The following RAB39A variants were observed in gnomAD, a reference collection of about 807,000 sequenced individuals.
RAB39A encodes ras-related protein Rab-39A.
RAB39A carries 17 observed loss-of-function variants against 20.9 expected under a neutral mutation model. The observed-to-expected ratio is 0.81, with a 90% CI of 0.56 to 1.22. The LOEUF (loss-of-function observed/expected upper bound fraction) is 1.22. Ranked by LOEUF, RAB39A falls within the 50% of genes most tolerant of loss-of-function variation. The pLI, the probability that RAB39A is intolerant of heterozygous loss-of-function variation, is 0.00. For missense variants in RAB39A, 234 were observed against 270.5 expected (o/e 0.87, Z 0.95); for synonymous variants, 99 against 103.4 (o/e 0.96, Z 0.26).
intron 1 of RAB39A, among the ~76,000 whole-genome samples, chr11:107,951,190 G>A (rs937708976): frequency 1.3e-5 from 2 of 152,188 alleles, no homozygotes. Flanking sequence ...GTGAGGGCAG[G>A]GACTGTTAGA....
At chr11:107,935,120 G>C (rs1414598085) in intron 1 of RAB39A, among the ~76,000 whole-genome samples, 1 of 151,972 alleles carries the variant, frequency 6.6e-6, no homozygotes, top group Non-Finnish European at 1.5e-5. Context: ...CAGGAAAGGG[G>C]TCCCGATCCA....
intron 1 of RAB39A, among the ~76,000 whole-genome samples, chr11:107,939,999 T>C (rs975753517): frequency 6.6e-6 from 1 of 152,202 alleles, no homozygotes; most frequent in African/African-American, 2.4e-5. Flanking sequence ...CATGCAATGA[T>C]TTTTTGATAA....
Position 107,936,817 on chromosome 11 carries a change from T to C in RAB39A, c.227+8022T>C, listed in dbSNP as rs753453495. ...GGTGCACACCTATAATCCCAGCTAC[T>C]TGGGAGGCTGAGGCAGGAAAATCCC... On this transcript the variant is annotated intron_variant, in intron 1 of 1. Transcript: ENST00000320578. Among the ~76,000 whole-genome samples, 6 of 152,050 alleles carry C rather than the reference T, an allele frequency of 3.9e-5. No homozygotes were observed. In the South Asian group the frequency reaches 6.2e-4, roughly 16 times the overall value.
intron 1 of RAB39A, among the ~76,000 whole-genome samples, chr11:107,951,653 T>A (rs1160341275): frequency 1.6e-5 from 2 of 124,698 alleles, no homozygotes; most frequent in Non-Finnish European, 3.2e-5. Context: ...ACGGTCTCAA[T>A]CTGTCACCAA....
Position 107,963,402 on chromosome 11 carries a change from A to G in RAB39A, c.*1030A>G, listed in dbSNP as rs1214708686. On this transcript the variant is annotated 3_prime_UTR_variant, in exon 2 of 2. Transcript: ENST00000320578. ...AGCACATGTTTTGCTGTTACGGTGT[A>G]CTGTTCGTATTTAGACAAGAAGAAC... 1 of 152,162 alleles carries G rather than the reference A, an allele frequency of 6.6e-6. No individual in the cohort carries two copies. The highest frequency in any genetic ancestry group is 1.5e-5 in the Non-Finnish European group (1 of 68,042). 9.4% of individuals were successfully genotyped at this position (152,162 alleles called of 1,614,324 possible).
chr11:107,937,369 G>A (rs1043632979), intron 1 of RAB39A, among the ~76,000 whole-genome samples: 10 of 151,858 alleles, frequency 6.6e-5, no homozygotes, highest in Non-Finnish European at 1.5e-4. Context: ...TGAACTTCTT[G>A]CTTCAAGTGA....
chr11:107,959,170 A>G (rs1468843831), intron 1 of RAB39A, among the ~76,000 whole-genome samples: 2 of 152,160 alleles, frequency 1.3e-5, no homozygotes, highest in Non-Finnish European at 2.9e-5. Context: ...ACAGTGAAAA[A>G]CATGCCTCTG....
chr11:107,934,020 G>A (rs2134949437), intron 1 of RAB39A, among the ~76,000 whole-genome samples: 1 of 152,160 alleles, frequency 6.6e-6, no homozygotes, highest in African/African-American at 2.4e-5. Context: ...TATTCCATAT[G>A]GCACTCTCTT....
intron 1 of RAB39A, among the ~76,000 whole-genome samples, chr11:107,949,235 T>C (rs1861349349): frequency 6.6e-6 from 1 of 151,886 alleles, no homozygotes; most frequent in South Asian, 2.1e-4. Flanking sequence ...TGCTTGAACC[T>C]GGGAGGTGGA....
chr11:107,944,648 G>C (rs960356497), intron 1 of RAB39A, among the ~76,000 whole-genome samples: 19 of 152,004 alleles, frequency 1.2e-4, no homozygotes, highest in African/African-American at 4.3e-4. Context: ...GCCTCCCAAC[G>C]TGCTGGGATT....
At position 107,928,564 on chromosome 11, in the gene RAB39A, G is replaced by A. The variant is rs1356426561; in HGVS notation, c.-5G>A. 1 of 1,477,150 alleles carries A rather than the reference G, an allele frequency of 6.8e-7. No homozygotes were observed. The allele number at this position is 1,477,150 out of a possible 1,614,324, so 91.5% of individuals were successfully genotyped here. On this transcript the variant is annotated 5_prime_UTR_variant, in exon 1 of 2. Coordinates refer to ENST00000320578, the MANE Select transcript of RAB39A (RefSeq NM_017516.3). This position sits in a 1 kb window ranked among gnomAD's most constrained non-coding sequence, Gnocchi z 4.9. ...CGGCCCGGGAGCCAGCGGGGCACGT[G>A]AGCGATGGAGACCATCTGGATCTAC... is the stretch of plus-strand genomic sequence containing the variant.
chr11:107,944,932 C>A (rs1049045774), intron 1 of RAB39A, among the ~76,000 whole-genome samples: 3 of 151,942 alleles, frequency 2.0e-5, no homozygotes, highest in Non-Finnish European at 2.9e-5. Context: ...CACCTGTAAT[C>A]CCAGCACTTT....
At chr11:107,948,066 AG>A (rs1423991637) in intron 1 of RAB39A, among the ~76,000 whole-genome samples, 7 of 152,196 alleles carry the variant, frequency 4.6e-5, no homozygotes, top group Non-Finnish European at 7.4e-5. Flanking sequence ...GAAAAAGGCA[AG>A]GGAACCTCCC....
intron 1 of RAB39A, among the ~76,000 whole-genome samples, chr11:107,930,661 G>A (rs1260215416): frequency 6.6e-6 from 1 of 152,034 alleles, no homozygotes; most frequent in African/African-American, 2.4e-5. Context: ...TTCAAGACCA[G>A]CCTGGCCAAT....
intron 1 of RAB39A, among the ~76,000 whole-genome samples, chr11:107,959,570 T>A (rs1221478782): frequency 6.6e-6 from 1 of 152,200 alleles, no homozygotes; most frequent in Non-Finnish European, 1.5e-5. Context: ...ACTATAGTCC[T>A]TGACAAAAGT....
At chr11:107,929,869 A>G (rs1861119070) in intron 1 of RAB39A, among the ~76,000 whole-genome samples, 1 of 152,206 alleles carries the variant, frequency 6.6e-6, no homozygotes, top group Admixed American at 6.5e-5. Flanking sequence ...TGTTTCTTAA[A>G]GACTGCATTA....
chr11:107,928,490 AG>A lies in RAB39A; in HGVS notation c.-77del, dbSNP rs1281938970. 5 of 1,096,800 alleles carry A rather than the reference AG, an allele frequency of 4.6e-6. No homozygotes were observed. The Admixed American group carries it at 1.4e-4, about 32-fold the overall frequency. 67.9% of individuals were successfully genotyped at this position (1,096,800 alleles called of 1,614,324 possible). A position where few individuals can be genotyped will look rare whatever the true frequency, so the allele number is the denominator to read the frequency against. On this transcript the variant is annotated 5_prime_UTR_variant, in exon 1 of 2. The change abolishes the stop of an existing upstream ORF in the 5' untranslated region. Transcript: ENST00000320578. The surrounding 1 kb of genome is among the most constrained non-coding windows in gnomAD (Gnocchi z 4.9). ...GGAAGGCGGCGGGCGGGCGCCCGCG[AG>A]GTGCTGAAAGGACAGTTCCCGCCGC...
intron 1 of RAB39A, among the ~76,000 whole-genome samples, chr11:107,946,323 TATACAC>T (rs1345676905): frequency 9.6e-5 from 12 of 124,674 alleles, no homozygotes; most frequent in Non-Finnish European, 1.2e-4. Flanking sequence ...TATATATATA[TATACAC>T]ACACACACAC....
intron 1 of RAB39A, among the ~76,000 whole-genome samples, chr11:107,939,450 CA>C (rs56700827): frequency 3.4e-3 from 387 of 113,980 alleles, no homozygotes; most frequent in Middle Eastern, 4.8e-3. Context: ...ACTAAAAATA[CA>C]AAAAAAAAAA....
Sources: gnomAD v4.1 joint callset for allele counts (sites outside exome capture counted in the v4.1 genomes callset) on GRCh38, gnomAD v4.1.1 for gene constraint, Gnocchi (gnomAD v3.1) non-coding constraint, MANE v1.5 for transcripts, NCBI Gene and HGNC (gene_info 2026-07-23, HGNC 2026-07-21) for gene names.